Variants in IRAK1BP1 observed in about 807,000 individuals in gnomAD.
The protein encoded by IRAK1BP1 is interleukin-1 receptor-associated kinase 1-binding protein 1.
A neutral mutation model predicts 28.0 loss-of-function variants in IRAK1BP1; 24 were observed. The observed-to-expected ratio is 0.86, with a 90% CI of 0.62 to 1.20. The LOEUF (loss-of-function observed/expected upper bound fraction) is 1.20, where lower values mean the gene tolerates loss of function less well. IRAK1BP1 is among the 50% of genes most tolerant of loss of function. IRAK1BP1 has a pLI of 0.00. For synonymous variants in IRAK1BP1, 131 were observed against 116.3 expected (o/e 1.13, Z -0.81); for missense variants, 336 against 316.7 (o/e 1.06, Z -0.46).
Position 78,899,608 on chromosome 6 carries a change from TTCTC to T in IRAK1BP1, c.*1276_*1279del, listed in dbSNP as rs549878056. The T allele has an allele frequency of 4.7e-4, 72 of 152,168 alleles. No homozygotes were observed. Among genetic ancestry groups the T allele is most frequent in the African/African-American group, 1.7e-3 (70 of 41,544 alleles). 9.4% of individuals were successfully genotyped at this position (152,168 alleles called of 1,614,324 possible). A position where few individuals can be genotyped will look rare whatever the true frequency, so the allele number is the denominator to read the frequency against. On this transcript the variant is annotated 3_prime_UTR_variant, in exon 4 of 4. Transcript: ENST00000369940. ...ATTTTTCTTTTTCGAGATGGAGTCTTTCTCTGTCGCCCAAGCTGGAGTGCAGTGG... is the reference window on the plus strand; with the variant it reads ...ATTTTTCTTTTTCGAGATGGAGTCTTTGTCGCCCAAGCTGGAGTGCAGTGG...
chr6:78,940,118 CT>C (rs1773413241), intron 4 of IRAK1BP1: 1 of 152,248 alleles, frequency 6.6e-6, no homozygotes, highest in Non-Finnish European at 1.5e-5. Context: ...CCTCTAGATA[CT>C]TTGTAGATGA....
At chr6:78,924,166 C>A (rs1278288357) in intron 4 of IRAK1BP1, among the ~76,000 whole-genome samples, 1 of 151,830 alleles carries the variant, frequency 6.6e-6, no homozygotes, top group African/African-American at 2.4e-5. Context: ...ATTGATAGAC[C>A]GTTAGCAAGA....
In IRAK1BP1 at chr6:78,941,086, T is replaced by C. The variant is rs571545144; in HGVS notation, c.*68-4322T>C. 1.9e-6 allele frequency: 3 copies of C among 1,614,124 alleles called. No homozygotes were observed. In the East Asian group the frequency reaches 6.7e-5, roughly 36 times the overall value. ...TATTAGTTTCAGAAAGAAAATTGCA[T>C]GTTGAAGAAGGAAGTACTTCATCTC... On this transcript the variant is annotated intron_variant and NMD_transcript_variant, in intron 4 of 4. Transcript: ENST00000606868.
At chr6:78,955,559 A>T in the IRAK1BP1 span, 1 of 650,400 alleles carries the variant, frequency 1.5e-6, no homozygotes. Context: ...ACAATATGTA[A>T]ATTTTTTTAT....
intron 2 of IRAK1BP1, among the ~76,000 whole-genome samples, chr6:78,890,659 C>T (rs1297688574): frequency 6.6e-6 from 1 of 152,136 alleles, no homozygotes; most frequent in Non-Finnish European, 1.5e-5. Context: ...AACCAAGGGT[C>T]AGAAATCTGA....
intron 2 of IRAK1BP1, among the ~76,000 whole-genome samples, chr6:78,890,433 A>G (rs1297742107): frequency 1.3e-5 from 2 of 152,128 alleles, no homozygotes; most frequent in African/African-American, 4.8e-5. Flanking sequence ...AAAAAGTCCA[A>G]AAAGAGAGCA....
chr6:78,953,617 T>C, the IRAK1BP1 span, among the ~76,000 whole-genome samples: 1 of 152,160 alleles, frequency 6.6e-6, no homozygotes, highest in African/African-American at 2.4e-5. Context: ...GAATTAAAGA[T>C]TTCTCTTCCA....
Position 78,941,005 on chromosome 6 carries a change from C to T in IRAK1BP1, c.*68-4403C>T, listed in dbSNP as rs565631371. On this transcript the variant is annotated intron_variant and NMD_transcript_variant, in intron 4 of 4. Transcript: ENST00000606868. ...CATCTAATTTTTGTGTCTTCATCTT[C>T]CTTTTGGGCTTCCTACCTCCACGAT... 6.2e-7 allele frequency: 1 copy of T among 1,613,914 alleles called. No homozygotes were observed. The highest frequency in any genetic ancestry group is 1.1e-5 in the South Asian group (1 of 91,082).
chr6:78,885,473 C>T, intron 2 of IRAK1BP1, 30 bp downstream of exon 2: 1 of 1,132,758 alleles, frequency 8.8e-7, no homozygotes, highest in Non-Finnish European at 1.3e-6. Flanking sequence ...TTGGAAGCAG[C>T]ATGATTTTGT....
chr6:78,882,677 A>G (rs886657535), intron 1 of IRAK1BP1, among the ~76,000 whole-genome samples: 14 of 152,210 alleles, frequency 9.2e-5, no homozygotes, highest in East Asian at 3.9e-4. Flanking sequence ...CTGAGAAACT[A>G]TCAAGAGACC....
At chr6:78,974,389 A>G in the IRAK1BP1 span, among the ~76,000 whole-genome samples, 1 of 151,906 alleles carries the variant, frequency 6.6e-6, no homozygotes, top group African/African-American at 2.4e-5. Context: ...GTGTAGAGGG[A>G]AATTTATAGC....
chr6:78,901,425 G>A lies in IRAK1BP1; in HGVS notation c.*3091G>A, dbSNP rs1772093812. The A allele has an allele frequency of 6.6e-6, 1 of 151,656 alleles. No homozygotes were observed. Among genetic ancestry groups the A allele is most frequent in the Admixed American group, 6.6e-5 (1 of 15,214 alleles). 9.4% of individuals were successfully genotyped at this position (151,656 alleles called of 1,614,324 possible). ...AATTTCTTGATACATGGCATACACT[G>A]GAATCTTATGATGAATTATTTAGGG... On this transcript the variant is annotated 3_prime_UTR_variant, in exon 4 of 4. Coordinates refer to ENST00000369940, the MANE Select transcript of IRAK1BP1 (RefSeq NM_001010844.4).
chr6:78,963,725 A>G, the IRAK1BP1 span, among the ~76,000 whole-genome samples: 1 of 152,216 alleles, frequency 6.6e-6, no homozygotes, highest in African/African-American at 2.4e-5. Flanking sequence ...TTACTCATAA[A>G]TTATGAAGGT....
chr6:78,885,571 A>T (rs1009980139), intron 2 of IRAK1BP1, 128 bp downstream of exon 2: 3 of 510,026 alleles, frequency 5.9e-6, no homozygotes, highest in Non-Finnish European at 1.1e-5. Flanking sequence ...TCTCAAAATC[A>T]TCTTGGTGTT....
intron 4 of IRAK1BP1, chr6:78,945,294 C>T (rs747531541): frequency 3.8e-5 from 60 of 1,588,034 alleles, no homozygotes; most frequent in Non-Finnish European, 3.6e-5. Context: ...ACAAGTAATA[C>T]CTTACCTTGC....
intron 4 of IRAK1BP1, chr6:78,938,005 T>C (rs1457754972): frequency 6.6e-6 from 1 of 151,762 alleles, no homozygotes; most frequent in Non-Finnish European, 1.5e-5. Flanking sequence ...TATTTCTTTC[T>C]GGCCTATTAA....
intron 4 of IRAK1BP1, among the ~76,000 whole-genome samples, chr6:78,924,063 A>C (rs1476271871): frequency 2.0e-5 from 3 of 152,206 alleles, no homozygotes; most frequent in African/African-American, 4.8e-5. Context: ...AGAAATAACT[A>C]AGATCAGAGC....
At chr6:78,908,508 T>C (rs182748544) in intron 4 of IRAK1BP1, among the ~76,000 whole-genome samples, 1 of 152,036 alleles carries the variant, frequency 6.6e-6, no homozygotes, top group African/African-American at 2.4e-5. Flanking sequence ...ACCTGGCTAA[T>C]TTTCCTATTT....
At chr6:78,908,078 TCTCA>T (rs1772306437), downstream of IRAK1BP1, among the ~76,000 whole-genome samples, 1 of 150,852 alleles carries the variant, frequency 6.6e-6, no homozygotes, top group Non-Finnish European at 1.5e-5. Flanking sequence ...TGAGACAGAG[TCTCA>T]CTCTGTTGCT....
Sources: allele counts gnomAD v4.1 joint callset (sites outside exome capture counted in the v4.1 genomes callset), GRCh38; gene constraint gnomAD v4.1.1; transcripts MANE v1.5; gene names NCBI Gene and HGNC (gene_info 2026-07-23, HGNC 2026-07-21).